Variants in LINC00632 observed in about 807,000 individuals in gnomAD.
The protein encoded by LINC00632 is ALDOA related specific transcript.
chrX:140,712,766 C>T (rs1445636120), intron 2 of LINC00632, among the ~76,000 whole-genome samples: 2 of 108,903 alleles, frequency 1.8e-5, no homozygotes, highest in African/African-American at 3.4e-5. Context: ...CACTTGCTAC[C>T]TATTACCAAC....
chrX:140,784,973 G>A (rs1420567748), exon 5 of LINC00632: 1 of 121,445 alleles, frequency 8.2e-6, no homozygotes, highest in Non-Finnish European at 1.9e-5. Context: ...AAACAGATAG[G>A]ACTGCTGCAA....
intron 3 of LINC00632, among the ~76,000 whole-genome samples, chrX:140,769,340 T>C (rs1341779414): frequency 1.8e-5 from 2 of 111,707 alleles, no homozygotes; most frequent in African/African-American, 6.5e-5. Context: ...AGCTTTTACA[T>C]CTTTCTAGAC....
intron 2 of LINC00632, among the ~76,000 whole-genome samples, chrX:140,723,577 CACACACACATTCCATACACAG>C (rs1569348287): frequency 3.6e-5 from 2 of 55,759 alleles, no homozygotes. Flanking sequence ...ATTCCATACA[CACACACACATTCCATACACAG>C]ACACACATTC....
rs186767899 is a variant in LINC00632 at position 140,712,025 on chromosome X, A to C, written n.104+369A>C. On this transcript the variant is annotated intron_variant and non_coding_transcript_variant, in intron 2 of 4. Transcript: ENST00000648200. ...TTGTTTCAGCATCACTTATTGAATAATCCAACGCAACAACTGTTCTTCCAT... is the reference window on the plus strand; with the variant it reads ...TTGTTTCAGCATCACTTATTGAATACTCCAACGCAACAACTGTTCTTCCAT... The C allele has an allele frequency of 3.6e-5, 4 of 110,895 alleles. No individual in the cohort carries two copies. In the East Asian group the frequency reaches 8.5e-4, roughly 24 times the overall value. The allele number at this position is 110,895 out of a possible 1,213,427, so 9.1% of individuals were successfully genotyped here. A position where few individuals can be genotyped will look rare whatever the true frequency, so the allele number is the denominator to read the frequency against.
chrX:140,742,404 T>C (rs921201472), intron 3 of LINC00632, among the ~76,000 whole-genome samples: 2 of 111,578 alleles, frequency 1.8e-5, no homozygotes, highest in Admixed American at 9.5e-5. Flanking sequence ...GACTTTCCTA[T>C]TGGCAAAGTG....
intron 2 of LINC00632, among the ~76,000 whole-genome samples, chrX:140,721,176 C>T (rs145578193): frequency 1.8e-4 from 20 of 112,174 alleles, no homozygotes; most frequent in African/African-American, 5.5e-4. Context: ...AGAACACACA[C>T]AGATGCTGGA....
exon 5 of LINC00632, chrX:140,784,344 T>A (rs781281129): frequency 1.7e-6 from 2 of 1,207,682 alleles, no homozygotes; most frequent in African/African-American, 3.5e-5. Flanking sequence ...TTCCAGAAAA[T>A]CCACGTCTTC....
At chrX:140,759,751 T>C (rs1431137867) in intron 3 of LINC00632, among the ~76,000 whole-genome samples, 1 of 111,373 alleles carries the variant, frequency 9.0e-6, no homozygotes, top group Non-Finnish European at 1.9e-5. Flanking sequence ...ATTGAGTCTA[T>C]TTACTGGACC....
At chrX:140,744,603 T>C (rs372151453) in intron 3 of LINC00632, among the ~76,000 whole-genome samples, 23 of 103,266 alleles carry the variant, frequency 2.2e-4, no homozygotes, top group African/African-American at 7.4e-4. Context: ...GGAGTCTTGC[T>C]TTGTCGCCCA....
intron 3 of LINC00632, among the ~76,000 whole-genome samples, chrX:140,762,240 A>AGG (rs1556027060): frequency 3.7e-5 from 4 of 107,917 alleles, no homozygotes; most frequent in East Asian, 5.8e-4. Context: ...AGAGAGAGAG[A>AGG]GAGCACTCTT....
At chrX:140,747,919 C>T in intron 3 of LINC00632, among the ~76,000 whole-genome samples, 1 of 111,922 alleles carries the variant, frequency 8.9e-6, no homozygotes, top group Non-Finnish European at 1.9e-5. Flanking sequence ...CCTCCGCCTC[C>T]TGGGTTCAAG....
intron 3 of LINC00632, among the ~76,000 whole-genome samples, chrX:140,771,685 A>ATTTTT (rs1265088053): frequency 3.1e-4 from 19 of 61,609 alleles, no homozygotes; most frequent in African/African-American, 1.4e-3. Context: ...ATATATATAT[A>ATTTTT]TTTTTTTTTT....
exon 5 of LINC00632, chrX:140,784,627 A>T: frequency 2.4e-6 from 1 of 421,775 alleles, no homozygotes; most frequent in Non-Finnish European, 4.2e-6. Context: ...TGATCTTCTG[A>T]CATTCAGGTC....
chrX:140,744,567 T>TGGGGGGG (rs373766988), intron 3 of LINC00632, among the ~76,000 whole-genome samples: 1 of 18,217 alleles, frequency 5.5e-5, no homozygotes, highest in African/African-American at 1.9e-4. Flanking sequence ...AGCTTTTTTT[T>TGGGGGGG]GGGGGGGGGG....
At chrX:140,719,237 C>T (rs184357347) in intron 2 of LINC00632, among the ~76,000 whole-genome samples, 142 of 111,483 alleles carry the variant, frequency 1.3e-3, no homozygotes, top group Non-Finnish European at 2.4e-3. Flanking sequence ...TACAACACAC[C>T]GACACACCCC....
chrX:140,772,567 G>C (rs1399056966), exon 4 of LINC00632: 1 of 271,919 alleles, frequency 3.7e-6, no homozygotes, highest in Non-Finnish European at 6.4e-6. Context: ...TGTTAATAGC[G>C]AACACAATGA....
intron 2 of LINC00632, among the ~76,000 whole-genome samples, chrX:140,712,658 C>T (rs1028249912): frequency 9.0e-6 from 1 of 110,811 alleles, no homozygotes; most frequent in South Asian, 3.8e-4. Flanking sequence ...AGTGAGCCAC[C>T]TCTTTTCACT....
At chrX:140,751,523 A>C (rs1378864692) in intron 3 of LINC00632, among the ~76,000 whole-genome samples, 1 of 111,413 alleles carries the variant, frequency 9.0e-6, no homozygotes. Flanking sequence ...TGCCAGTGGG[A>C]AGAATACATT....
At chrX:140,762,689 G>A (rs942928709) in intron 3 of LINC00632, among the ~76,000 whole-genome samples, 11 of 112,248 alleles carry the variant, frequency 9.8e-5, no homozygotes, top group Non-Finnish European at 1.5e-4. Context: ...TAGCAGAAAA[G>A]CAGCTTGAGA....
Sources: allele counts gnomAD v4.1 joint callset (sites outside exome capture counted in the v4.1 genomes callset), GRCh38; gene constraint gnomAD v4.1.1; transcripts MANE v1.5; gene names NCBI Gene and HGNC (gene_info 2026-07-23, HGNC 2026-07-21).